The following MDGA2 variants were observed in gnomAD, a reference collection of about 807,000 sequenced individuals.
MDGA2 encodes MAM domain-containing glycosylphosphatidylinositol anchor protein 2.
Under a neutral mutation model 117.8 loss-of-function variants are expected in MDGA2, and 40 were observed. That is an observed-to-expected ratio of 0.34 (90% CI 0.26 to 0.44). The LOEUF (loss-of-function observed/expected upper bound fraction) is 0.44. Ranked by LOEUF, MDGA2 falls within the 20% of genes least tolerant of loss-of-function variation. The pLI, the probability that MDGA2 is intolerant of heterozygous loss-of-function variation, is 1.00. For missense variants in MDGA2, 1,123 were observed against 1,250.6 expected, an observed-to-expected ratio of 0.90 and a Z score of 1.54; for synonymous variants, 452 against 439.0, an observed-to-expected ratio of 1.03 and a Z score of -0.37.
intron 5 of MDGA2, among the ~76,000 whole-genome samples, chr14:47,111,465 C>T (rs1308880366): frequency 6.6e-6 from 1 of 151,964 alleles, no homozygotes; most frequent in Non-Finnish European, 1.5e-5. Flanking sequence ...TAAAAACAAA[C>T]TTGATTTGCT....
chr14:47,085,859 A>G (rs1958102), intron 6 of MDGA2, among the ~76,000 whole-genome samples: 25,455 of 152,060 alleles, frequency 0.17, 2,459 homozygotes, highest in East Asian at 0.31. Flanking sequence ...CATTGCACAA[A>G]GCAATCTGTA....
intron 1 of MDGA2, among the ~76,000 whole-genome samples, chr14:47,624,222 C>A (rs911015945): frequency 6.6e-6 from 1 of 152,196 alleles, no homozygotes; most frequent in African/African-American, 2.4e-5. Context: ...CTTTGAAAGG[C>A]CGAGGCGGGC....
chr14:47,454,007 G>T (rs1372922202), intron 1 of MDGA2, among the ~76,000 whole-genome samples: 1 of 152,158 alleles, frequency 6.6e-6, no homozygotes, highest in African/African-American at 2.4e-5. Context: ...TGTAGCAGAT[G>T]TTAAATGTCA....
chr14:47,122,440 T>C (rs1881701064), intron 5 of MDGA2, among the ~76,000 whole-genome samples: 1 of 152,130 alleles, frequency 6.6e-6, no homozygotes, highest in Non-Finnish European at 1.5e-5. Flanking sequence ...TTTCCCAGGA[T>C]GTGGGACTTC....
intron 3 of MDGA2, among the ~76,000 whole-genome samples, chr14:47,151,066 G>C (rs1217070478): frequency 6.6e-6 from 1 of 152,146 alleles, no homozygotes; most frequent in East Asian, 1.9e-4. Context: ...ACCTAGAATG[G>C]GTTCTTTGGA....
At chr14:47,158,006 TACACAC>T (rs3039402) in intron 3 of MDGA2, among the ~76,000 whole-genome samples, 4 of 149,080 alleles carry the variant, frequency 2.7e-5, no homozygotes, top group South Asian at 2.2e-4. Flanking sequence ...ACAGTATCTA[TACACAC>T]ACACACACAC....
intron 1 of MDGA2, among the ~76,000 whole-genome samples, chr14:47,441,021 G>A (rs922331450): frequency 6.6e-6 from 1 of 152,050 alleles, no homozygotes; most frequent in African/African-American, 2.4e-5. Flanking sequence ...AAGAGTGACA[G>A]ATCTGTGCAA....
chr14:47,536,496 CTTAAGAG>C (rs1229162374), intron 1 of MDGA2, among the ~76,000 whole-genome samples: 1 of 152,172 alleles, frequency 6.6e-6, no homozygotes, highest in Non-Finnish European at 1.5e-5. Flanking sequence ...CATTTTGTCA[CTTAAGAG>C]TTAAGAGTTT....
chr14:46,923,003 T>C (rs1884192152), intron 9 of MDGA2, among the ~76,000 whole-genome samples: 1 of 152,224 alleles, frequency 6.6e-6, no homozygotes, highest in African/African-American at 2.4e-5. Context: ...TGAATACAAA[T>C]TGCCATTATT....
intron 7 of MDGA2, among the ~76,000 whole-genome samples, chr14:47,051,581 C>A (rs1299878081): frequency 6.6e-6 from 1 of 151,762 alleles, no homozygotes; most frequent in African/African-American, 2.4e-5. Context: ...GGGAGAAGTT[C>A]TTTGCACTAA....
intron 2 of MDGA2, among the ~76,000 whole-genome samples, chr14:47,286,885 A>C (rs1888706322): frequency 6.7e-6 from 1 of 149,132 alleles, no homozygotes; most frequent in African/African-American, 2.5e-5. Flanking sequence ...ATGCAACATG[A>C]AGTCCCTGTT....
intron 1 of MDGA2, among the ~76,000 whole-genome samples, chr14:47,478,512 C>A (rs912496227): frequency 1.2e-4 from 18 of 151,910 alleles, no homozygotes; most frequent in African/African-American, 3.4e-4. Flanking sequence ...AGAGCTGGGA[C>A]TACAGGTGCC....
At chr14:47,072,142 A>G (rs909508627) in intron 6 of MDGA2, among the ~76,000 whole-genome samples, 1 of 146,020 alleles carries the variant, frequency 6.8e-6, no homozygotes, top group Non-Finnish European at 1.5e-5. Flanking sequence ...TTGCAGGTAC[A>G]TGAAAATGTA....
At chr14:46,864,415 T>C (rs556199553) in intron 14 of MDGA2, among the ~76,000 whole-genome samples, 1 of 151,408 alleles carries the variant, frequency 6.6e-6, no homozygotes, top group East Asian at 1.9e-4. Flanking sequence ...ATTTTAGTTC[T>C]TTACATTTTA....
At chr14:47,577,175 T>C (rs1896131752) in intron 1 of MDGA2, among the ~76,000 whole-genome samples, 3 of 152,096 alleles carry the variant, frequency 2.0e-5, no homozygotes, top group Non-Finnish European at 2.9e-5. Context: ...TGCTTGACAA[T>C]GGGGAAAGGA....
At chr14:47,325,727 A>C (rs2139892403) in intron 1 of MDGA2, among the ~76,000 whole-genome samples, 1 of 152,282 alleles carries the variant, frequency 6.6e-6, no homozygotes, top group South Asian at 2.1e-4. Context: ...AACAAGGCTC[A>C]GAAATATCTG....
chr14:47,233,732 G>C (rs1192108734), intron 2 of MDGA2, among the ~76,000 whole-genome samples: 5 of 152,230 alleles, frequency 3.3e-5, no homozygotes, highest in Non-Finnish European at 2.9e-5. Context: ...ATGCTATGTG[G>C]TTAACTAAAA....
intron 5 of MDGA2, among the ~76,000 whole-genome samples, chr14:47,113,823 A>G (rs1218183701): frequency 6.6e-6 from 1 of 152,216 alleles, no homozygotes; most frequent in Non-Finnish European, 1.5e-5. Flanking sequence ...AAAAGCTGGA[A>G]GCATTCCCCT....
chr14:47,548,597 G>A (rs1431371749), intron 1 of MDGA2, among the ~76,000 whole-genome samples: 1 of 152,046 alleles, frequency 6.6e-6, no homozygotes, highest in Non-Finnish European at 1.5e-5. Flanking sequence ...TTTTGAATAG[G>A]AGCTCTCTGT....
Sources: allele counts gnomAD v4.1 joint callset (sites outside exome capture counted in the v4.1 genomes callset), GRCh38; gene constraint gnomAD v4.1.1; transcripts MANE v1.5; gene names NCBI Gene and HGNC (gene_info 2026-07-23, HGNC 2026-07-21).